TTLL5: variants seen among roughly 807,000 people sequenced by gnomAD.
The protein encoded by TTLL5 is tubulin polyglutamylase TTLL5.
Under a neutral mutation model 168.4 loss-of-function variants are expected in TTLL5, and 132 were observed. The observed-to-expected ratio is 0.78, with a 90% CI of 0.68 to 0.91. The LOEUF (loss-of-function observed/expected upper bound fraction) is 0.91, where lower values mean the gene tolerates loss of function less well. TTLL5 is among the 40% of genes least tolerant of loss of function. The pLI, the probability that TTLL5 is intolerant of heterozygous loss-of-function variation, is 0.00. For synonymous variants in TTLL5, 546 were observed against 558.6 expected (o/e 0.98, Z 0.32); for missense variants, 1,545 against 1,581.5 (o/e 0.98, Z 0.39).
chr14:75,894,026 C>A (rs2032536588), intron 30 of TTLL5, among the ~76,000 whole-genome samples: 1 of 151,936 alleles, frequency 6.6e-6, no homozygotes, highest in African/African-American at 2.4e-5. Flanking sequence ...AATTATTGGT[C>A]TTTAAGAAGA....
intron 31 of TTLL5, among the ~76,000 whole-genome samples, chr14:75,920,406 C>G (rs1215708400): frequency 6.6e-6 from 1 of 152,118 alleles, no homozygotes; most frequent in East Asian, 1.9e-4. Context: ...GTTCCCCACC[C>G]CTCGACAGGC....
At chr14:75,729,737 AC>A (rs1888413756) in intron 12 of TTLL5, among the ~76,000 whole-genome samples, 1 of 152,190 alleles carries the variant, frequency 6.6e-6, no homozygotes, top group Non-Finnish European at 1.5e-5. Flanking sequence ...TAGTTTGGGC[AC>A]CCTCTCTGTA....
At chr14:75,830,393 A>G (rs1424719190) in intron 28 of TTLL5, among the ~76,000 whole-genome samples, 3 of 152,204 alleles carry the variant, frequency 2.0e-5, no homozygotes, top group Non-Finnish European at 2.9e-5. Context: ...TATAATTAAT[A>G]ACAATGTATT....
chr14:75,914,597 T>C (rs1295709431), intron 31 of TTLL5, among the ~76,000 whole-genome samples: 1 of 149,988 alleles, frequency 6.7e-6, no homozygotes, highest in Non-Finnish European at 1.5e-5. Context: ...TGTAAAATAA[T>C]GAATGATTGA....
At chr14:75,669,549 C>T (rs113665871) in intron 3 of TTLL5, 27 bp downstream of exon 3, 33 of 1,598,554 alleles carry the variant, frequency 2.1e-5, no homozygotes, top group Admixed American at 8.4e-5. Context: ...CCACAGAGGA[C>T]GGAGCTGGGC....
intron 30 of TTLL5, among the ~76,000 whole-genome samples, chr14:75,893,841 TAGTG>T (rs1237215724): frequency 2.6e-4 from 9 of 34,692 alleles, no homozygotes; most frequent in Admixed American, 6.9e-4. Flanking sequence ...AAAAAAAAAA[TAGTG>T]AAGGCAAAAT....
intron 27 of TTLL5, among the ~76,000 whole-genome samples, chr14:75,804,600 C>T (rs1024303699): frequency 6.6e-6 from 1 of 152,156 alleles, no homozygotes; most frequent in African/African-American, 2.4e-5. Flanking sequence ...GTTTGTTAAC[C>T]CTAGTTCCTT....
intron 31 of TTLL5, among the ~76,000 whole-genome samples, chr14:75,919,197 CAAAAAAAA>C (rs10655974): frequency 9.8e-4 from 55 of 56,114 alleles, no homozygotes; most frequent in African/African-American, 3.3e-3. Context: ...AAGACCGTCT[CAAAAAAAA>C]AAAAAAAAAA....
At chr14:75,762,221 C>T (rs964967910) in intron 18 of TTLL5, among the ~76,000 whole-genome samples, 4 of 151,960 alleles carry the variant, frequency 2.6e-5, no homozygotes, top group Admixed American at 6.6e-5. Context: ...CGGTGAAACC[C>T]CATCTCTACT....
chr14:75,730,029 A>G (rs1411716715), intron 12 of TTLL5, among the ~76,000 whole-genome samples: 1 of 152,232 alleles, frequency 6.6e-6, no homozygotes, highest in African/African-American at 2.4e-5. Context: ...CCTGATCAAT[A>G]TGTGCATCAA....
chr14:75,738,498 T>C (rs1343145173), intron 15 of TTLL5, among the ~76,000 whole-genome samples: 1 of 152,214 alleles, frequency 6.6e-6, no homozygotes, highest in African/African-American at 2.4e-5. Context: ...GAAAAATAAC[T>C]TACTGGATGC....
At chr14:75,680,265 G>A (rs747328400) in intron 3 of TTLL5, among the ~76,000 whole-genome samples, 17 of 152,184 alleles carry the variant, frequency 1.1e-4, no homozygotes, top group Non-Finnish European at 2.5e-4. Context: ...CTTGGCCCTG[G>A]CAGGAAATGT....
chr14:75,676,664 C>A (rs1884180342), intron 3 of TTLL5, among the ~76,000 whole-genome samples: 1 of 151,878 alleles, frequency 6.6e-6, no homozygotes, highest in South Asian at 2.1e-4. Flanking sequence ...TCACTGCTTA[C>A]TATTTATGTA....
At position 75,717,960 on chromosome 14, in the gene TTLL5, C is replaced by T. The variant is rs142438920; in HGVS notation, c.840C>T (p.Val280=). 8.1e-6 allele frequency: 13 copies of T among 1,612,924 alleles called. No homozygotes were observed. The African/African-American group carries it at 1.3e-4, about 17-fold the overall frequency. The change falls in exon 10 of 32, where the codon GTC becomes GTT. Residue 280 remains valine, a splice_region_variant and synonymous_variant. Transcript: ENST00000298832. ...YSVNKKSGDY[V]SCDDPEVEDY... ...TCAACAAGAAAAGTGGAGATTACGT[C>T]AGGTACTGGCTGTGTCTGAGCCAGA...
At chr14:75,891,213 C>G (rs1044656393) in intron 30 of TTLL5, among the ~76,000 whole-genome samples, 2 of 152,238 alleles carry the variant, frequency 1.3e-5, no homozygotes, top group African/African-American at 4.8e-5. Flanking sequence ...CATGTCATCT[C>G]TGCAGAGTGC....
intron 18 of TTLL5, 123 bp downstream of exon 18, chr14:75,753,078 C>A (rs1038172419): frequency 1.2e-6 from 1 of 850,926 alleles, no homozygotes; most frequent in Non-Finnish European, 1.8e-6. Context: ...AAAAAAAGTC[C>A]TGTAGAAAGC....
At chr14:75,708,309 G>C (rs1886796456) in intron 9 of TTLL5, among the ~76,000 whole-genome samples, 1 of 150,484 alleles carries the variant, frequency 6.6e-6, no homozygotes, top group East Asian at 1.9e-4. Flanking sequence ...TCCTTAACAT[G>C]CAAGTTACTT....
At chr14:75,842,040 G>A (rs1013279941) in intron 28 of TTLL5, among the ~76,000 whole-genome samples, 8 of 152,122 alleles carry the variant, frequency 5.3e-5, no homozygotes, top group African/African-American at 1.9e-4. Flanking sequence ...GCACTAAGCC[G>A]TATCCTGATG....
chr14:75,683,978 A>G, intron 5 of TTLL5: 1 of 253,554 alleles, frequency 3.9e-6, no homozygotes, highest in Non-Finnish European at 7.8e-6. Flanking sequence ...TTCGCCATGT[A>G]GGCCAGGCTG....
Sources: allele counts gnomAD v4.1 joint callset (sites outside exome capture counted in the v4.1 genomes callset), GRCh38; gene constraint gnomAD v4.1.1; transcripts MANE v1.5; gene names NCBI Gene and HGNC (gene_info 2026-07-23, HGNC 2026-07-21).